LRP1B: variants seen among roughly 807,000 people sequenced by gnomAD.
The protein encoded by LRP1B is low-density lipoprotein receptor-related protein 1B.
A neutral mutation model predicts 556.6 loss-of-function variants in LRP1B; 217 were observed. That is an observed-to-expected ratio of 0.39 (90% CI 0.35 to 0.44). The LOEUF is 0.44. Among genes scored for constraint, LRP1B ranks in the 20% least tolerant of loss-of-function variants. LRP1B has a pLI of 1.00. For synonymous variants in LRP1B, 2,047 were observed against 1,865.8 expected, an observed-to-expected ratio of 1.10 and a Z score of -2.50; for missense variants, 5,053 against 5,620.8, an observed-to-expected ratio of 0.90 and a Z score of 3.23.
intron 85 of LRP1B, among the ~76,000 whole-genome samples, chr2:140,271,622 A>T (rs1027382207): frequency 2.0e-5 from 3 of 152,112 alleles, no homozygotes; most frequent in African/African-American, 7.2e-5. Context: ...TTGTGAAATC[A>T]CATTTCTTTT....
At chr2:140,295,214 G>A (rs1347529057) in intron 84 of LRP1B, among the ~76,000 whole-genome samples, 2 of 152,122 alleles carry the variant, frequency 1.3e-5, no homozygotes, top group Non-Finnish European at 2.9e-5. Flanking sequence ...ATGTATGGAT[G>A]TAACCAGGTT....
rs1230028176 is a variant in LRP1B at position 141,357,797 on chromosome 2, A to G, written c.344-103156T>C. 2.0e-5 allele frequency among the ~76,000 whole-genome samples: 3 copies of G among 152,216 alleles called. No individual in the cohort carries two copies. In the East Asian group the frequency reaches 5.8e-4, roughly 29 times the overall value. Reference sequence around the variant, plus strand: ...GCACATAGACTATGAATATGGAAATATATTTTTTGGTTCATTAATGAAATT... The same window carrying G: ...GCACATAGACTATGAATATGGAAATGTATTTTTTGGTTCATTAATGAAATT... On this transcript the variant is annotated intron_variant, in intron 3 of 90. Transcript: ENST00000389484.
intron 1 of LRP1B, among the ~76,000 whole-genome samples, chr2:141,945,106 G>A (rs928009915): frequency 6.6e-6 from 1 of 152,112 alleles, no homozygotes; most frequent in Non-Finnish European, 1.5e-5. Flanking sequence ...CAAAACATGA[G>A]TCGTTTTTGG....
In LRP1B at chr2:140,966,924, T is replaced by C. The variant is rs535500830; in HGVS notation, c.2888-14984A>G. 2.8e-4 allele frequency among the ~76,000 whole-genome samples: 43 copies of C among 152,236 alleles called. No homozygotes were observed. In the South Asian group the frequency reaches 4.4e-3, roughly 15 times the overall value. ...TGTATCTCTGTTTTGGTACCAGTACTATGCTGTTTTGGTTACTGTAGACTT... is the reference window on the plus strand; with the variant it reads ...TGTATCTCTGTTTTGGTACCAGTACCATGCTGTTTTGGTTACTGTAGACTT... On this transcript the variant is annotated intron_variant, in intron 18 of 90. Transcript: ENST00000389484.
chr2:140,478,061 C>T (rs1329230518), intron 59 of LRP1B, among the ~76,000 whole-genome samples: 1 of 151,462 alleles, frequency 6.6e-6, no homozygotes, highest in Non-Finnish European at 1.5e-5. Flanking sequence ...GAAGAAAAAA[C>T]TTATCTTCAC....
intron 1 of LRP1B, among the ~76,000 whole-genome samples, chr2:142,029,440 C>T (rs890115908): frequency 3.3e-5 from 5 of 151,788 alleles, no homozygotes; most frequent in Non-Finnish European, 5.9e-5. Flanking sequence ...CTGTTATATC[C>T]TATTACTAGA....
At chr2:141,398,233 T>G (rs181119092) in intron 3 of LRP1B, among the ~76,000 whole-genome samples, 1 of 152,216 alleles carries the variant, frequency 6.6e-6, no homozygotes, top group East Asian at 1.9e-4. Flanking sequence ...CAAATAATAT[T>G]TGGCCATTCA....
chr2:141,492,190 G>A (rs1477287769), intron 2 of LRP1B, among the ~76,000 whole-genome samples: 5 of 151,130 alleles, frequency 3.3e-5, no homozygotes, highest in African/African-American at 1.2e-4. Flanking sequence ...AAGAAACAAT[G>A]AGAGTAAGGA....
At chr2:141,580,643 G>A (rs909789136) in intron 2 of LRP1B, among the ~76,000 whole-genome samples, 5 of 152,154 alleles carry the variant, frequency 3.3e-5, no homozygotes, top group African/African-American at 1.2e-4. Context: ...GAAATATGAA[G>A]AGCAGTAGGC....
intron 2 of LRP1B, among the ~76,000 whole-genome samples, chr2:141,709,648 C>A (rs1692283030): frequency 6.6e-6 from 1 of 152,108 alleles, no homozygotes. Flanking sequence ...TTATCAGAAT[C>A]TTTTCTGAGA....
chr2:140,989,690 T>C (rs1487787822), intron 16 of LRP1B, 33 bp from the exon 17 acceptor site: 1 of 1,605,028 alleles, frequency 6.2e-7, no homozygotes, highest in Admixed American at 1.7e-5. Flanking sequence ...ATTAATTATT[T>C]AAAATTGGAT....
At chr2:142,051,054 A>T (rs1321623386) in intron 1 of LRP1B, among the ~76,000 whole-genome samples, 2 of 152,022 alleles carry the variant, frequency 1.3e-5, no homozygotes, top group Admixed American at 6.6e-5. Flanking sequence ...AGATTGAGAG[A>T]AGACGTTAAG....
At chr2:141,043,141 T>C (rs2105435330) in intron 11 of LRP1B, among the ~76,000 whole-genome samples, 1 of 150,480 alleles carries the variant, frequency 6.6e-6, no homozygotes, top group Admixed American at 6.6e-5. Context: ...AGGAGGAGGA[T>C]GCAGTGAGTC....
At chr2:141,655,556 T>C (rs2105386292) in intron 2 of LRP1B, among the ~76,000 whole-genome samples, 1 of 152,260 alleles carries the variant, frequency 6.6e-6, no homozygotes, top group East Asian at 1.9e-4. Flanking sequence ...GCATTTAATA[T>C]TTTTGATAAT....
chr2:140,950,551 T>TCGGCTCA (rs1470556523), intron 19 of LRP1B, 149 bp from the exon 20 acceptor site: 2 of 532,930 alleles, frequency 3.8e-6, no homozygotes, highest in Non-Finnish European at 6.4e-6. Context: ...TGGCACTATC[T>TCGGCTCA]CGGCTCACTG....
At chr2:142,045,499 A>G (rs193231221) in intron 1 of LRP1B, among the ~76,000 whole-genome samples, 2 of 151,908 alleles carry the variant, frequency 1.3e-5, no homozygotes, top group African/African-American at 2.4e-5. Context: ...CTTTATAGAC[A>G]TTGTTATATA....
chr2:141,309,422 A>T (rs1318068016), intron 3 of LRP1B, among the ~76,000 whole-genome samples: 3 of 152,236 alleles, frequency 2.0e-5, no homozygotes, highest in African/African-American at 7.2e-5. Flanking sequence ...ACATTGACCA[A>T]AAATTCATAT....
chr2:141,467,124 C>G (rs1001035592), intron 3 of LRP1B, among the ~76,000 whole-genome samples: 921 of 8,572 alleles, frequency 0.11, 46 homozygotes, highest in Middle Eastern at 0.2. Context: ...ATATATATAT[C>G]TATATATATA....
chr2:140,318,104 A>G (rs1022314593), intron 82 of LRP1B, among the ~76,000 whole-genome samples: 1 of 152,154 alleles, frequency 6.6e-6, no homozygotes, highest in Non-Finnish European at 1.5e-5. Context: ...TCAGTTAACA[A>G]TAGCAGCCAG....
Sources: gnomAD v4.1 joint callset for allele counts (sites outside exome capture counted in the v4.1 genomes callset) on GRCh38, gnomAD v4.1.1 for gene constraint, MANE v1.5 for transcripts, NCBI Gene and HGNC (gene_info 2026-07-23, HGNC 2026-07-21) for gene names.